Variants in PTPRQ observed in about 807,000 individuals in gnomAD.
PTPRQ encodes phosphatidylinositol phosphatase PTPRQ.
A neutral mutation model predicts 246.0 loss-of-function variants in PTPRQ; 199 were observed. The observed-to-expected ratio is 0.81, with a 90% CI of 0.72 to 0.91. The LOEUF is 0.91. Ranked by LOEUF, PTPRQ falls within the 40% of genes least tolerant of loss-of-function variation. The pLI is 0.00. For missense variants in PTPRQ, 2,624 were observed against 2,528.4 expected, an observed-to-expected ratio of 1.04 and a Z score of -0.81; for synonymous variants, 869 against 853.2, an observed-to-expected ratio of 1.02 and a Z score of -0.32.
intron 10 of PTPRQ, 82 bp from the exon 11 acceptor site, chr12:80,494,851 A>T (rs937449465): frequency 1.4e-6 from 2 of 1,421,202 alleles, no homozygotes; most frequent in South Asian, 3.1e-5. Flanking sequence ...CAGGTTTAAG[A>T]TTTTATAGTC....
chr12:80,564,773 C>A (rs899455988), intron 25 of PTPRQ, among the ~76,000 whole-genome samples: 3 of 152,246 alleles, frequency 2.0e-5, no homozygotes, highest in South Asian at 2.1e-4. Context: ...GTCCAGAATT[C>A]TTTCTACTAT....
chr12:80,566,476 T>C (rs1896983320), intron 25 of PTPRQ, among the ~76,000 whole-genome samples: 1 of 151,270 alleles, frequency 6.6e-6, no homozygotes, highest in Non-Finnish European at 1.5e-5. Context: ...AGACTCCATC[T>C]CAAAAAAAAA....
chr12:80,536,346 T>G, intron 19 of PTPRQ, among the ~76,000 whole-genome samples: 1 of 152,210 alleles, frequency 6.6e-6, no homozygotes, highest in East Asian at 1.9e-4. Context: ...CCTCTGTAAT[T>G]AAGACTTTAG....
At chr12:80,635,345 C>T (rs1899605668) in intron 35 of PTPRQ, among the ~76,000 whole-genome samples, 2 of 152,222 alleles carry the variant, frequency 1.3e-5, no homozygotes, top group Non-Finnish European at 1.5e-5. Flanking sequence ...CACATTAAAC[C>T]TTTGACATTA....
At chr12:80,482,298 G>T (rs1007897088) in intron 8 of PTPRQ, among the ~76,000 whole-genome samples, 1 of 151,546 alleles carries the variant, frequency 6.6e-6, no homozygotes, top group Non-Finnish European at 1.5e-5. Flanking sequence ...TTAATAAATG[G>T]TGCTGGGAAA....
rs768790872 is a variant in PTPRQ at position 80,484,613 on chromosome 12, A to AT, written c.1359+13dup. The stretch of plus-strand genomic sequence containing the variant: ...CTCACTGGAAATAATGAGGTATTGC[A>AT]TTTTTATTTCACTTATTGGTGAACC... On this transcript the variant is annotated intron_variant, in intron 9 of 44. Transcript: ENST00000644991. 4.2e-5 allele frequency: 65 copies of AT among 1,548,312 alleles called. No homozygotes were observed. The highest frequency in any genetic ancestry group is 4.2e-5 in the Non-Finnish European group (48 of 1,146,270).
intron 25 of PTPRQ, among the ~76,000 whole-genome samples, chr12:80,580,657 A>G (rs1159562762): frequency 6.6e-6 from 1 of 152,156 alleles, no homozygotes; most frequent in East Asian, 1.9e-4. Context: ...TATACCATAT[A>G]TTTCACCTCA....
chr12:80,634,169 T>C (rs748670660), intron 34 of PTPRQ, among the ~76,000 whole-genome samples: 13 of 152,326 alleles, frequency 8.5e-5, no homozygotes, highest in Middle Eastern at 3.4e-3. Flanking sequence ...AAATCTTGCC[T>C]CTCAACTAAA....
intron 33 of PTPRQ, among the ~76,000 whole-genome samples, chr12:80,628,220 A>T (rs1235661153): frequency 6.6e-6 from 1 of 152,130 alleles, no homozygotes; most frequent in Non-Finnish European, 1.5e-5. Context: ...TGTACCTAAA[A>T]TACTTTAGGT....
chr12:80,500,981 T>C (rs1894781876), intron 14 of PTPRQ, among the ~76,000 whole-genome samples: 1 of 151,714 alleles, frequency 6.6e-6, no homozygotes, highest in Non-Finnish European at 1.5e-5. Flanking sequence ...CACTGAGAGG[T>C]TATATTTGCC....
chr12:80,614,956 A>T (rs1398803262), intron 29 of PTPRQ, among the ~76,000 whole-genome samples: 3 of 150,980 alleles, frequency 2.0e-5, no homozygotes, highest in African/African-American at 7.3e-5. Context: ...GCAGACTGCA[A>T]TTTGCAGTAT....
intron 27 of PTPRQ, among the ~76,000 whole-genome samples, chr12:80,608,721 C>T (rs531960387): frequency 6.7e-6 from 1 of 150,280 alleles, no homozygotes; most frequent in Non-Finnish European, 1.5e-5. Flanking sequence ...AGTCACCTTA[C>T]CTCTATAAAA....
chr12:80,514,402 A>T (rs61951979), intron 17 of PTPRQ, among the ~76,000 whole-genome samples: 7,174 of 112,984 alleles, frequency 0.063, 231 homozygotes, highest in Middle Eastern at 0.11. Flanking sequence ...ACACACACAC[A>T]CTCTCTCTCT....
At position 80,657,056 on chromosome 12, in the gene PTPRQ, A is replaced by G. The variant is rs1592766092; in HGVS notation, c.6116-929A>G. Among the ~76,000 whole-genome samples, 3 of 152,056 alleles carry G rather than the reference A, an allele frequency of 2.0e-5. No individual in the cohort carries two copies. In the East Asian group the frequency reaches 5.8e-4, roughly 29 times the overall value. On this transcript the variant is annotated intron_variant, in intron 38 of 44. Transcript: ENST00000644991. Reference sequence around the variant, plus strand: ...AGAAATTTGATTGCATAACAATATAAATTTTTGTACGGCAAAATTGATAGA... The same window carrying G: ...AGAAATTTGATTGCATAACAATATAGATTTTTGTACGGCAAAATTGATAGA...
chr12:80,521,053 C>A (rs1374649158), intron 17 of PTPRQ, among the ~76,000 whole-genome samples: 5 of 152,016 alleles, frequency 3.3e-5, no homozygotes, highest in Non-Finnish European at 4.4e-5. Flanking sequence ...GATCACCATT[C>A]TAACTGGTGT....
rs1423130781 is a variant in PTPRQ, at chr12:80,602,122, A to T, written c.4610-2937A>T. ...GGGGTGTCAATGTTCAGATTATTGT[A>T]CAGTTTTCAGAAGTACAAATAGGAA... On this transcript the variant is annotated intron_variant, in intron 26 of 44. Coordinates refer to ENST00000644991, the MANE Select transcript of PTPRQ (RefSeq NM_001145026.2). Among the ~76,000 whole-genome samples, 3 of 151,854 alleles carry T rather than the reference A, an allele frequency of 2.0e-5. No homozygotes were observed. In the East Asian group the frequency reaches 5.9e-4, roughly 30 times the overall value.
intron 17 of PTPRQ, among the ~76,000 whole-genome samples, chr12:80,525,654 GTC>G (rs71816551): frequency 0.26 from 37,845 of 146,086 alleles, 5,474 homozygotes; most frequent in African/African-American, 0.42. Context: ...CTCTCTCTCT[GTC>G]TCTCTCTCTC....
chr12:80,584,281 C>T (rs749760842), intron 25 of PTPRQ: 3 of 152,080 alleles, frequency 2.0e-5, no homozygotes, highest in Non-Finnish European at 2.9e-5. Flanking sequence ...ACAAGATGAC[C>T]AAGATGATCT....
chr12:80,484,388 T>A, intron 8 of PTPRQ, 45 bp from the exon 9 acceptor site: 1 of 1,399,162 alleles, frequency 7.1e-7, no homozygotes, highest in Non-Finnish European at 9.3e-7. Flanking sequence ...TGAAAAAATA[T>A]TTTTAATTTC....
Sources: gnomAD v4.1 joint callset for allele counts (sites outside exome capture counted in the v4.1 genomes callset) on GRCh38, gnomAD v4.1.1 for gene constraint, MANE v1.5 for transcripts, NCBI Gene and HGNC (gene_info 2026-07-23, HGNC 2026-07-21) for gene names.